DYRK1A: variants seen among roughly 807,000 people sequenced by gnomAD.
The protein encoded by DYRK1A is dual specificity tyrosine-phosphorylation-regulated kinase 1A.
Under a neutral mutation model 79.7 loss-of-function variants are expected in DYRK1A, and 9 were observed. The ratio of observed to expected loss-of-function variants is 0.11; its 90% CI spans 0.07 to 0.20. The LOEUF (loss-of-function observed/expected upper bound fraction) is 0.20, where lower values mean the gene tolerates loss of function less well. Ranked by LOEUF, DYRK1A falls within the 10% of genes least tolerant of loss-of-function variation. The probability of loss-of-function intolerance (pLI) is 1.00; values close to 1 mark genes in which losing one functional copy is unlikely to be tolerated. For missense variants in DYRK1A, 622 were observed against 956.0 expected, an observed-to-expected ratio of 0.65 and a Z score of 4.61; for synonymous variants, 349 against 329.7, an observed-to-expected ratio of 1.06 and a Z score of -0.63.
chr21:37,473,275 A>T (rs2052289513), intron 3 of DYRK1A, among the ~76,000 whole-genome samples: 1 of 152,196 alleles, frequency 6.6e-6, no homozygotes, highest in Admixed American at 6.5e-5. Context: ...ACCTTTCTAC[A>T]CATTTGTAAA....
At chr21:37,397,195 G>A (rs924501292) in intron 1 of DYRK1A, among the ~76,000 whole-genome samples, 3 of 152,316 alleles carry the variant, frequency 2.0e-5, no homozygotes, top group Admixed American at 2.0e-4. Flanking sequence ...TAGTTGGGCC[G>A]TCATGTGCTG....
At chr21:37,409,826 T>C (rs1361151339) in intron 1 of DYRK1A, among the ~76,000 whole-genome samples, 1 of 152,206 alleles carries the variant, frequency 6.6e-6, no homozygotes, top group Non-Finnish European at 1.5e-5. Flanking sequence ...CTTTCTAATA[T>C]AATGGTATAA....
intron 1 of DYRK1A, among the ~76,000 whole-genome samples, chr21:37,386,473 A>G (rs549914959): frequency 6.6e-6 from 1 of 152,248 alleles, no homozygotes; most frequent in South Asian, 2.1e-4. Flanking sequence ...GTTTTAGGGG[A>G]TCTTTGCACA....
rs1379132372 is a variant in DYRK1A at position 37,518,908 on chromosome 21, C to T, written c.*6377C>T. On this transcript the variant is annotated 3_prime_UTR_variant, in exon 12 of 12. Transcript: ENST00000647188. ...GATTACAGGCGTGAGCTACTTCACC[C>T]AGCCCCAAGAACATCTTGAAATGGA... 1.3e-5 allele frequency: 2 copies of T among 152,174 alleles called. No homozygotes were observed. Among genetic ancestry groups the T allele is most frequent in the African/African-American group, 4.8e-5 (2 of 41,434 alleles). The allele number at this position is 152,174 out of a possible 1,614,324, so 9.4% of individuals were successfully genotyped here.
At chr21:37,480,871 T>A (rs775654010) in intron 5 of DYRK1A, 45 bp downstream of exon 5, 2 of 1,472,364 alleles carry the variant, frequency 1.4e-6, no homozygotes, top group Non-Finnish European at 1.8e-6. Flanking sequence ...AGAAAGAACT[T>A]CTTAGTGAAT....
chr21:37,435,789 T>C (rs2050906824), intron 2 of DYRK1A, among the ~76,000 whole-genome samples: 1 of 152,218 alleles, frequency 6.6e-6, no homozygotes, highest in African/African-American at 2.4e-5. Context: ...GAATTTATCT[T>C]GTACTGCCTG....
At chr21:37,508,255 C>CA in intron 11 of DYRK1A, among the ~76,000 whole-genome samples, 1 of 152,310 alleles carries the variant, frequency 6.6e-6, no homozygotes. Flanking sequence ...AGTGAGCTTT[C>CA]ACTAAAGTGG....
Position 37,518,394 on chromosome 21 carries a change from A to G in DYRK1A, c.*5863A>G, listed in dbSNP as rs1224203081. 6.6e-6 allele frequency: 1 copy of G among 152,170 alleles called. No homozygotes were observed. The highest frequency in any genetic ancestry group is 2.1e-4 in the South Asian group (1 of 4,818). 9.4% of individuals were successfully genotyped at this position (152,170 alleles called of 1,614,324 possible). On this transcript the variant is annotated 3_prime_UTR_variant, in exon 12 of 12. Transcript: ENST00000647188. The stretch of plus-strand genomic sequence containing the variant: ...CAAACTGCTCAATCGGTACTCATCA[A>G]TTTAAAATGACTGTCCAGCCTTGCT...
chr21:37,406,954 A>T (rs1244866999), intron 1 of DYRK1A, among the ~76,000 whole-genome samples: 16 of 137,284 alleles, frequency 1.2e-4, no homozygotes, highest in Admixed American at 2.1e-4. Context: ...TTTTTTTTTT[A>T]AAGTCATCTT....
intron 2 of DYRK1A, among the ~76,000 whole-genome samples, chr21:37,469,163 A>G (rs534952384): frequency 6.6e-6 from 1 of 152,362 alleles, no homozygotes; most frequent in South Asian, 2.1e-4. Flanking sequence ...TGATGATTGC[A>G]TGCCATAGTG....
At chr21:37,366,398 C>CGGCGCGGGCGCG (rs1425251118), upstream of DYRK1A, among the ~76,000 whole-genome samples, 2 of 145,182 alleles carry the variant, frequency 1.4e-5, no homozygotes, top group African/African-American at 4.9e-5. Context: ...GGGCCGCAGT[C>CGGCGCGGGCGCG]GGCGCGGGCG....
chr21:37,453,602 G>A (rs1407172148), intron 2 of DYRK1A, among the ~76,000 whole-genome samples: 1 of 152,204 alleles, frequency 6.6e-6, no homozygotes, highest in African/African-American at 2.4e-5. Context: ...AGGTAGATGG[G>A]AGGAGAGATG....
At chr21:37,414,451 T>C (rs1426154753) in intron 1 of DYRK1A, among the ~76,000 whole-genome samples, 1 of 152,172 alleles carries the variant, frequency 6.6e-6, no homozygotes, top group Non-Finnish European at 1.5e-5. Flanking sequence ...TTTGTAATTA[T>C]GGGGTTTAGT....
At chr21:37,403,408 A>T (rs1274767415) in intron 1 of DYRK1A, among the ~76,000 whole-genome samples, 1 of 151,772 alleles carries the variant, frequency 6.6e-6, no homozygotes, top group Non-Finnish European at 1.5e-5. Flanking sequence ...CCCTTATTGG[A>T]TCACATTTTT....
intron 1 of DYRK1A, among the ~76,000 whole-genome samples, chr21:37,371,743 CTTGTT>C (rs1342564996): frequency 6.6e-6 from 1 of 151,936 alleles, no homozygotes; most frequent in Non-Finnish European, 1.5e-5. Flanking sequence ...AGTGAATATT[CTTGTT>C]TTATCTCCCC....
chr21:37,441,641 A>G (rs1035423560), intron 2 of DYRK1A, among the ~76,000 whole-genome samples: 1 of 152,152 alleles, frequency 6.6e-6, no homozygotes, highest in African/African-American at 2.4e-5. Flanking sequence ...CGTATAGTGT[A>G]TTGACCATAC....
At chr21:37,505,253 A>G in intron 9 of DYRK1A, 30 bp from the exon 10 acceptor site, 1 of 1,548,810 alleles carries the variant, frequency 6.5e-7, no homozygotes, top group South Asian at 1.2e-5. Context: ...CACCAAATTT[A>G]GAGAAAGCCT....
rs112546437 is a variant in DYRK1A at position 37,496,311 on chromosome 21, C to T, written c.1212+53C>T. On this transcript the variant is annotated intron_variant, in intron 9 of 11. Coordinates refer to ENST00000647188, the MANE Select transcript of DYRK1A (RefSeq NM_001347721.2). The stretch of plus-strand genomic sequence containing the variant: ...CCTTTATTAAATTTCTTTATCATAC[C>T]TGTCTTTTTATAGCTCATTTTGCAT... 67 of 1,548,054 alleles carry T rather than the reference C, an allele frequency of 4.3e-5. No homozygotes were observed. The African/African-American group carries it at 7.5e-4, about 17-fold the overall frequency.
intron 2 of DYRK1A, among the ~76,000 whole-genome samples, chr21:37,442,489 CT>C (rs945874951): frequency 2.0e-5 from 3 of 152,088 alleles, no homozygotes; most frequent in African/African-American, 7.2e-5. Flanking sequence ...GTCACTAGTC[CT>C]TTTTTCTGTA....
Sources: allele counts gnomAD v4.1 joint callset (sites outside exome capture counted in the v4.1 genomes callset), GRCh38; gene constraint gnomAD v4.1.1; transcripts MANE v1.5; gene names NCBI Gene and HGNC (gene_info 2026-07-23, HGNC 2026-07-21).